The following GARRE1 variants were observed in gnomAD, a reference collection of about 807,000 sequenced individuals.
The protein encoded by GARRE1 is granule associated Rac and RHOG effector protein 1.
In GARRE1, 49 loss-of-function variants were observed where a neutral mutation model predicts 103.2. The observed-to-expected ratio is 0.47, with a 90% CI of 0.38 to 0.60. The LOEUF is 0.60. Among genes scored for constraint, GARRE1 ranks in the 20% least tolerant of loss-of-function variants. GARRE1 has a pLI of 0.00. For missense variants in GARRE1, 1,199 were observed against 1,370.5 expected (o/e 0.87, Z 1.98); for synonymous variants, 505 against 532.8 (o/e 0.95, Z 0.72).
intron 10 of GARRE1, among the ~76,000 whole-genome samples, chr19:34,344,931 C>G (rs1368227452): frequency 6.6e-6 from 1 of 151,816 alleles, no homozygotes; most frequent in Non-Finnish European, 1.5e-5. Flanking sequence ...CTCCGCCTCC[C>G]GAGTTCACGC....
rs761141307 is a variant in GARRE1, at chr19:34,320,045, G to A, written c.634G>A (p.Gly212Ser). The change falls in exon 3 of 14, where the codon GGC becomes AGC. Residue 212 changes from glycine (G) to serine (S), a missense_variant. Coordinates refer to ENST00000299505, the MANE Select transcript of GARRE1 (RefSeq NM_014686.5). The stretch of plus-strand genomic sequence containing the variant: ...AGAAAAAAAGAACAGCGGCAGTGGC[G>A]GCGGCTTATCTGGCATGGGCCACAC... ...VPEKKNSGSGGGLSGMGHTPE... is the reference protein window; with the variant it reads ...VPEKKNSGSGSGLSGMGHTPE... The A allele has an allele frequency of 2.0e-5, 33 of 1,614,130 alleles. No individual in the cohort carries two copies. Among genetic ancestry groups the A allele is most frequent in the African/African-American group, 4.0e-5 (3 of 74,944 alleles).
At chr19:34,265,861 T>G (rs921392173) in intron 1 of GARRE1, among the ~76,000 whole-genome samples, 1 of 152,204 alleles carries the variant, frequency 6.6e-6, no homozygotes, top group Non-Finnish European at 1.5e-5. Flanking sequence ...GTTAGGCGAC[T>G]TGCTCAAAGT....
chr19:34,289,912 T>G (rs2073908149), intron 1 of GARRE1, among the ~76,000 whole-genome samples: 1 of 152,032 alleles, frequency 6.6e-6, no homozygotes, highest in Non-Finnish European at 1.5e-5. Flanking sequence ...ATATATAAAT[T>G]GAAGGGTTTA....
At position 34,289,996 on chromosome 19, in the gene GARRE1, T is replaced by C. The variant is rs117329689; in HGVS notation, c.-795-9683T>C. On this transcript the variant is annotated intron_variant, in intron 1 of 13. Coordinates refer to ENST00000299505, the MANE Select transcript of GARRE1 (RefSeq NM_014686.5). Reference sequence around the variant, plus strand: ...CTGGATGGCAGCACTCAAATGCAGATGTTCCTTGACTTATGATGGGAGTTT... The same window carrying C: ...CTGGATGGCAGCACTCAAATGCAGACGTTCCTTGACTTATGATGGGAGTTT... Among the ~76,000 whole-genome samples, 865 of 152,330 alleles carry C rather than the reference T, an allele frequency of 5.7e-3. 1 individual carries two copies. Among genetic ancestry groups the C allele is most frequent in the Admixed American group, 9.6e-3 (147 of 15,292 alleles).
intron 2 of GARRE1, among the ~76,000 whole-genome samples, chr19:34,311,312 A>T (rs1316609634): frequency 6.6e-6 from 1 of 152,210 alleles, no homozygotes; most frequent in Admixed American, 6.5e-5. Flanking sequence ...CTTGAATAAG[A>T]TCTGGTTCAT....
At chr19:34,337,329 G>C (rs1304625063) in intron 8 of GARRE1, among the ~76,000 whole-genome samples, 1 of 152,158 alleles carries the variant, frequency 6.6e-6, no homozygotes, top group African/African-American at 2.4e-5. Context: ...GATGAGTTCA[G>C]ACACAGGCAG....
intron 12 of GARRE1, among the ~76,000 whole-genome samples, chr19:34,351,180 CAGTG>C (rs1357429589): frequency 7.3e-6 from 1 of 137,226 alleles, no homozygotes; most frequent in Non-Finnish European, 1.5e-5. Flanking sequence ...GCCTGGGAAA[CAGTG>C]AGACTCAGTC....
At chr19:34,335,830 T>C (rs1246982914) in intron 8 of GARRE1, among the ~76,000 whole-genome samples, 2 of 151,962 alleles carry the variant, frequency 1.3e-5, no homozygotes, top group East Asian at 3.9e-4. Context: ...CCGGCTCATT[T>C]GTTCTTGAAA....
intron 7 of GARRE1, 30 bp from the exon 8 acceptor site, chr19:34,333,674 T>C (rs374193926): frequency 4.3e-5 from 50 of 1,157,826 alleles, no homozygotes; most frequent in African/African-American, 3.2e-4. Context: ...CTGGTTGTTA[T>C]TTGTTTTTTT....
Position 34,347,840 on chromosome 19 carries a change from G to T in GARRE1, c.2522-37G>T, listed in dbSNP as rs2074219077. The T allele has an allele frequency of 2.7e-6, 4 of 1,473,950 alleles. No individual in the cohort carries two copies. In the East Asian group the frequency reaches 1.0e-4, roughly 38 times the overall value. The allele number at this position is 1,473,950 out of a possible 1,614,324, so 91.3% of individuals were successfully genotyped here. On this transcript the variant is annotated intron_variant, in intron 10 of 13. Coordinates refer to ENST00000299505, the MANE Select transcript of GARRE1 (RefSeq NM_014686.5). ...TAGGGAAGGACCAAGAGGCCAGTTT[G>T]TCCCCAAACCCGGTTTATTCCTTTG...
chr19:34,263,512 C>T (rs1169206065), intron 1 of GARRE1, among the ~76,000 whole-genome samples: 2 of 147,044 alleles, frequency 1.4e-5, no homozygotes, highest in African/African-American at 2.5e-5. Context: ...GAGTCTTGCT[C>T]TGTTGCCTAG....
chr19:34,282,085 A>G (rs545513130), intron 1 of GARRE1, among the ~76,000 whole-genome samples: 2 of 151,646 alleles, frequency 1.3e-5, no homozygotes, highest in Non-Finnish European at 2.9e-5. Context: ...TATCTTGGCA[A>G]TCATATTTCT....
At chr19:34,304,861 G>A (rs986688923) in intron 2 of GARRE1, among the ~76,000 whole-genome samples, 3 of 150,882 alleles carry the variant, frequency 2.0e-5, no homozygotes, top group African/African-American at 7.3e-5. Context: ...GCGTGATCTC[G>A]GCTCACTGCA....
intron 1 of GARRE1, among the ~76,000 whole-genome samples, chr19:34,260,584 G>T (rs1280460822): frequency 6.6e-6 from 1 of 152,024 alleles, no homozygotes; most frequent in East Asian, 1.9e-4. Context: ...ACAATGTGCA[G>T]GTTAGTTACA....
At chr19:34,296,419 G>C in intron 1 of GARRE1, 1 of 1,578,958 alleles carries the variant, frequency 6.3e-7, no homozygotes, top group Non-Finnish European at 8.6e-7. Flanking sequence ...GTGCGGGCAC[G>C]AGCACACTTC....
intron 1 of GARRE1, among the ~76,000 whole-genome samples, chr19:34,256,979 G>A (rs879575486): frequency 6.6e-6 from 1 of 151,992 alleles, no homozygotes; most frequent in African/African-American, 2.4e-5. Context: ...AAGAGTTCAG[G>A]TTTGTTGTGG....
At chr19:34,324,628 A>G (rs1343357463) in intron 3 of GARRE1, among the ~76,000 whole-genome samples, 2 of 151,660 alleles carry the variant, frequency 1.3e-5, no homozygotes, top group African/African-American at 2.4e-5. Flanking sequence ...AGCTCAGACT[A>G]TAGGCATGCA....
chr19:34,307,822 T>A (rs1259316960), intron 2 of GARRE1, among the ~76,000 whole-genome samples: 51 of 138,510 alleles, frequency 3.7e-4, no homozygotes, highest in African/African-American at 5.5e-4. Flanking sequence ...ATATTTTTTT[T>A]TTTTTTTAGA....
intron 12 of GARRE1, among the ~76,000 whole-genome samples, chr19:34,351,218 AT>A (rs1161725621): frequency 6.7e-6 from 1 of 149,248 alleles, no homozygotes; most frequent in Non-Finnish European, 1.5e-5. Context: ...AAAAAATAAA[AT>A]AATAATAATA....
Sources: gnomAD v4.1 joint callset for allele counts (sites outside exome capture counted in the v4.1 genomes callset) on GRCh38, gnomAD v4.1.1 for gene constraint, MANE v1.5 for transcripts, NCBI Gene and HGNC (gene_info 2026-07-23, HGNC 2026-07-21) for gene names.